Variants in GNB1L observed in about 807,000 individuals in gnomAD.
The protein encoded by GNB1L is G protein subunit beta 1 like.
Under a neutral mutation model 29.1 loss-of-function variants are expected in GNB1L, and 20 were observed. The observed-to-expected ratio is 0.69, with a 90% CI of 0.48 to 1.00. GNB1L has a LOEUF of 1.00. Ranked by LOEUF, GNB1L falls within the 50% of genes least tolerant of loss-of-function variation. The probability of loss-of-function intolerance (pLI) is 0.00; values close to 1 mark genes in which losing one functional copy is unlikely to be tolerated. For synonymous variants in GNB1L, 193 were observed against 206.5 expected, an observed-to-expected ratio of 0.93 and a Z score of 0.56; for missense variants, 421 against 464.9, an observed-to-expected ratio of 0.91 and a Z score of 0.87.
At chr22:19,841,866 T>C (rs1416988262) in intron 2 of GNB1L, among the ~76,000 whole-genome samples, 1 of 152,210 alleles carries the variant, frequency 6.6e-6, no homozygotes. Context: ...CTAACCACTG[T>C]TGCGCTTCAC....
At chr22:19,831,983 C>G (rs9618707) in intron 2 of GNB1L, among the ~76,000 whole-genome samples, 3 of 152,090 alleles carry the variant, frequency 2.0e-5, no homozygotes, top group African/African-American at 7.3e-5. Flanking sequence ...AAGCTCATTA[C>G]AGCCTCTCTC....
chr22:19,806,758 C>G lies in GNB1L; in HGVS notation c.418-1G>C. Reference sequence around the variant, plus strand: ...TGGAGGGCATCTCCAGAATCTGAACCTGACAGTAAGAAAACAAGTTGATTT... The same window carrying G: ...TGGAGGGCATCTCCAGAATCTGAACGTGACAGTAAGAAAACAAGTTGATTT... On this transcript the variant is annotated splice_acceptor_variant, in intron 5 of 7. Transcript: ENST00000329517. LOFTEE classifies it high-confidence loss of function. 3 of 1,608,204 alleles carry G rather than the reference C, an allele frequency of 1.9e-6. No individual in the cohort carries two copies. Among genetic ancestry groups the G allele is most frequent in the Non-Finnish European group, 1.7e-6 (2 of 1,174,880 alleles).
chr22:19,845,896 G>A (rs1661309662), intron 2 of GNB1L, among the ~76,000 whole-genome samples: 1 of 152,244 alleles, frequency 6.6e-6, no homozygotes, highest in Admixed American at 6.5e-5. Flanking sequence ...TGAAAAATGG[G>A]GACATGGATG....
At chr22:19,849,372 G>GTTT in intron 2 of GNB1L, 58 of 665,278 alleles carry the variant, frequency 8.7e-5, no homozygotes, top group East Asian at 3.0e-4. Flanking sequence ...GTTTTTTGTT[G>GTTT]TTTTTTTTTT....
intron 2 of GNB1L, among the ~76,000 whole-genome samples, chr22:19,823,218 G>A (rs1021627764): frequency 3.9e-5 from 6 of 152,366 alleles, no homozygotes; most frequent in Non-Finnish European, 8.8e-5. Flanking sequence ...AGGGGGATGA[G>A]AGAGGTTTCG....
chr22:19,828,239 C>A (rs1257654227), intron 2 of GNB1L, among the ~76,000 whole-genome samples: 1 of 152,062 alleles, frequency 6.6e-6, no homozygotes, highest in Non-Finnish European at 1.5e-5. Flanking sequence ...ATGGGGCAAA[C>A]AGAAACAATA....
chr22:19,809,131 A>G (rs749961585), intron 5 of GNB1L, among the ~76,000 whole-genome samples: 6 of 151,818 alleles, frequency 4.0e-5, no homozygotes, highest in African/African-American at 9.7e-5. Flanking sequence ...ACCCTGGCTC[A>G]CCACACCCCC....
At chr22:19,806,561 GCCT>G (rs998496333) in intron 6 of GNB1L, 95 bp downstream of exon 6, 112 of 742,614 alleles carry the variant, frequency 1.5e-4, no homozygotes, top group Middle Eastern at 1.1e-3. Flanking sequence ...GTGGGGTGTT[GCCT>G]GAGTGGCTCG....
In GNB1L at chr22:19,788,978, G is replaced by C. The variant is rs747169181; in HGVS notation, c.733-18C>G. 3.2e-6 allele frequency: 5 copies of C among 1,586,018 alleles called. No homozygotes were observed. The highest frequency in any genetic ancestry group is 3.4e-6 in the Non-Finnish European group (4 of 1,163,058). On this transcript the variant is annotated intron_variant, in intron 7 of 7. Coordinates refer to ENST00000329517, the MANE Select transcript of GNB1L (RefSeq NM_053004.3). The stretch of plus-strand genomic sequence containing the variant: ...CCACGCACCTGTGAGAGTTGGGAGA[G>C]GTGTTAGGCCACTCCTTAAGCCCAC...
intron 5 of GNB1L, among the ~76,000 whole-genome samples, chr22:19,809,518 A>G (rs1350440406): frequency 6.6e-6 from 1 of 152,244 alleles, no homozygotes; most frequent in Admixed American, 6.5e-5. Flanking sequence ...GCAAGGGTCT[A>G]ATTGAGCTGA....
At chr22:19,803,516 T>G (rs947323679) in intron 6 of GNB1L, among the ~76,000 whole-genome samples, 1 of 152,156 alleles carries the variant, frequency 6.6e-6, no homozygotes, top group African/African-American at 2.4e-5. Context: ...CGCTCCTGCG[T>G]GTGCTGTTTT....
intron 2 of GNB1L, chr22:19,849,981 C>G: frequency 1.0e-6 from 1 of 985,536 alleles, no homozygotes; most frequent in Non-Finnish European, 1.2e-6. Context: ...TCCTCTGGGC[C>G]TGGGGCCTCA....
rs534728712 is a variant in GNB1L, at chr22:19,838,467, A to T, written c.-21+15976T>A. Among the ~76,000 whole-genome samples, 527 of 124,978 alleles carry T rather than the reference A, an allele frequency of 4.2e-3. 4 individuals are homozygous for T. Among genetic ancestry groups the T allele is most frequent in the African/African-American group, 0.02 (480 of 24,246 alleles). 82.0% of individuals were successfully genotyped at this position (124,978 alleles called of 152,430 possible). A position where few individuals can be genotyped will look rare whatever the true frequency, so the allele number is the denominator to read the frequency against. On this transcript the variant is annotated intron_variant, in intron 2 of 7. Transcript: ENST00000329517. ...CAGTTTCTTATTTATTTATTTTTTTATTTTTATTTTTATTTTTTTTTTGAG... is the reference window on the plus strand; with the variant it reads ...CAGTTTCTTATTTATTTATTTTTTTTTTTTTATTTTTATTTTTTTTTTGAG...
In GNB1L at chr22:19,849,866, G is replaced by A. The variant is rs186382221; in HGVS notation, c.-21+4577C>T. 21 of 985,420 alleles carry A rather than the reference G, an allele frequency of 2.1e-5. No individual in the cohort carries two copies. The African/African-American group carries it at 2.4e-4, about 11-fold the overall frequency. 61.0% of individuals were successfully genotyped at this position (985,420 alleles called of 1,614,324 possible). On this transcript the variant is annotated intron_variant, in intron 2 of 7. Coordinates refer to ENST00000329517, the MANE Select transcript of GNB1L (RefSeq NM_053004.3). ...TGGGCACACACTGCACACACTGGGCGGCTGTACCTGCCTATCCTGTGGTAA... is the reference window on the plus strand; with the variant it reads ...TGGGCACACACTGCACACACTGGGCAGCTGTACCTGCCTATCCTGTGGTAA...
Position 19,804,958 on chromosome 22 carries a change from G to A in GNB1L, c.516+1701C>T, listed in dbSNP as rs191303693. On this transcript the variant is annotated intron_variant, in intron 6 of 7. Coordinates refer to ENST00000329517, the MANE Select transcript of GNB1L (RefSeq NM_053004.3). ...CCTGGATGCCCTGCCCACTGCCTGC[G>A]GGGTTGCAGCCTTGGGGGGCGTTTT... is the stretch of plus-strand genomic sequence containing the variant. Among the ~76,000 whole-genome samples, 9 of 152,350 alleles carry A rather than the reference G, an allele frequency of 5.9e-5. No individual in the cohort carries two copies. The East Asian group carries it at 9.6e-4, about 16-fold the overall frequency.
rs566416093 is a variant in GNB1L, at chr22:19,805,072, T to C, written c.516+1587A>G. On this transcript the variant is annotated intron_variant, in intron 6 of 7. Coordinates refer to ENST00000329517, the MANE Select transcript of GNB1L (RefSeq NM_053004.3). ...GACCCAGGCTCTGCTGCAGTCCCTG[T>C]GGCCCGGCTGTGAGCCTGCTGGCAC... Among the ~76,000 whole-genome samples the C allele has an allele frequency of 4.6e-3, 696 of 152,324 alleles. 2 individuals carry two copies. The highest frequency in any genetic ancestry group is 8.3e-3 in the Non-Finnish European group (564 of 68,020).
At chr22:19,837,175 C>T (rs777665920) in intron 2 of GNB1L, among the ~76,000 whole-genome samples, 111 of 152,118 alleles carry the variant, frequency 7.3e-4, no homozygotes, top group Non-Finnish European at 1.3e-3. Flanking sequence ...ACCGTGTTAG[C>T]CAGGATGGTG....
chr22:19,831,584 G>A (rs1937681073), intron 2 of GNB1L, among the ~76,000 whole-genome samples: 1 of 151,538 alleles, frequency 6.6e-6, no homozygotes, highest in Non-Finnish European at 1.5e-5. Context: ...CCAGTTACTT[G>A]GGAGGCTGAG....
intron 2 of GNB1L, among the ~76,000 whole-genome samples, chr22:19,827,420 T>C (rs1385959449): frequency 6.6e-6 from 1 of 152,080 alleles, no homozygotes; most frequent in African/African-American, 2.4e-5. Context: ...TTTAAAACCA[T>C]AAAAGCATGC....
Sources: gnomAD v4.1 joint callset for allele counts (sites outside exome capture counted in the v4.1 genomes callset) on GRCh38, gnomAD v4.1.1 for gene constraint, MANE v1.5 for transcripts, NCBI Gene and HGNC (gene_info 2026-07-23, HGNC 2026-07-21) for gene names.